RNLS: variants seen among roughly 807,000 people sequenced by gnomAD.
RNLS encodes the protein renalase.
RNLS carries 39 observed loss-of-function variants against 39.8 expected under a neutral mutation model. The observed-to-expected ratio is 0.98, with a 90% CI of 0.76 to 1.28. The LOEUF (loss-of-function observed/expected upper bound fraction) is 1.28. Ranked by LOEUF, RNLS falls within the 50% of genes most tolerant of loss-of-function variation. The pLI, the probability that RNLS is intolerant of heterozygous loss-of-function variation, is 0.00. For synonymous variants in RNLS, 147 were observed against 150.7 expected (o/e 0.98, Z 0.18); for missense variants, 410 against 413.3 (o/e 0.99, Z 0.07).
At chr10:88,303,780 C>T (rs1342140041) in intron 6 of RNLS, among the ~76,000 whole-genome samples, 1 of 152,202 alleles carries the variant, frequency 6.6e-6, no homozygotes, top group Non-Finnish European at 1.5e-5. Context: ...TTCCCCTTCC[C>T]CTTCACTCCC....
At chr10:88,558,302 C>T (rs1848981970) in intron 4 of RNLS, among the ~76,000 whole-genome samples, 1 of 152,150 alleles carries the variant, frequency 6.6e-6, no homozygotes, top group Non-Finnish European at 1.5e-5. Context: ...TAATTTCTCA[C>T]TTTCCTCCTC....
intron 6 of RNLS, among the ~76,000 whole-genome samples, chr10:88,313,674 C>A (rs1194229423): frequency 6.6e-6 from 1 of 152,160 alleles, no homozygotes; most frequent in Admixed American, 6.5e-5. Flanking sequence ...CTTGGATAAC[C>A]AATAGGGCTG....
chr10:88,237,273 T>A, the RNLS span, among the ~76,000 whole-genome samples: 1 of 143,830 alleles, frequency 7.0e-6, no homozygotes, highest in Admixed American at 6.9e-5. Flanking sequence ...CTTCTTCTTT[T>A]TCTTTCATCC....
intron 6 of RNLS, among the ~76,000 whole-genome samples, chr10:88,290,719 A>C (rs994001246): frequency 6.6e-6 from 1 of 152,040 alleles, no homozygotes; most frequent in Non-Finnish European, 1.5e-5. Flanking sequence ...TCTCCGAACC[A>C]CTCTTTAACT....
chr10:88,178,400 G>T, the RNLS span, among the ~76,000 whole-genome samples: 11 of 152,036 alleles, frequency 7.2e-5, no homozygotes, highest in Non-Finnish European at 1.3e-4. Flanking sequence ...AGCCACATTG[G>T]CTCCAGGTAG....
At chr10:88,495,294 T>C (rs2134082253) in intron 4 of RNLS, among the ~76,000 whole-genome samples, 1 of 152,284 alleles carries the variant, frequency 6.6e-6, no homozygotes, top group East Asian at 1.9e-4. Context: ...ACACAGATGT[T>C]GATATGACTT....
At chr10:88,570,635 A>C (rs2861367) in intron 4 of RNLS, among the ~76,000 whole-genome samples, 7 of 152,202 alleles carry the variant, frequency 4.6e-5, no homozygotes, top group Non-Finnish European at 1.0e-4. Context: ...CCTAGCCATG[A>C]GGTGGGAATA....
the RNLS span, among the ~76,000 whole-genome samples, chr10:88,253,793 C>T: frequency 5.3e-5 from 8 of 152,176 alleles, no homozygotes; most frequent in Non-Finnish European, 1.0e-4. Flanking sequence ...TTTCCTGCCC[C>T]CCTCCCTCCC....
At chr10:88,393,734 A>C (rs1038916805) in intron 4 of RNLS, among the ~76,000 whole-genome samples, 9 of 152,216 alleles carry the variant, frequency 5.9e-5, no homozygotes, top group African/African-American at 2.2e-4. Context: ...TGCATTGCCA[A>C]GTCAATCTTA....
chr10:88,201,415 C>G, the RNLS span, among the ~76,000 whole-genome samples: 1 of 152,152 alleles, frequency 6.6e-6, no homozygotes. Context: ...GCAGCTTCCA[C>G]TTTGTTCTGT....
At chr10:88,411,365 C>T (rs190710275) in intron 4 of RNLS, among the ~76,000 whole-genome samples, 26 of 152,078 alleles carry the variant, frequency 1.7e-4, no homozygotes, top group Non-Finnish European at 3.1e-4. Flanking sequence ...GTTTCCTCAG[C>T]GGACCACAGA....
the RNLS span, among the ~76,000 whole-genome samples, chr10:88,202,337 T>C: frequency 1.1e-4 from 17 of 150,182 alleles, no homozygotes; most frequent in Non-Finnish European, 1.8e-4. Context: ...TTAGGAGATA[T>C]ACCTAATGTT....
At chr10:88,429,392 G>T (rs933434958) in intron 4 of RNLS, among the ~76,000 whole-genome samples, 16 of 151,830 alleles carry the variant, frequency 1.1e-4, no homozygotes, top group African/African-American at 3.6e-4. Flanking sequence ...CAAACAAAAA[G>T]AATTCCTTTG....
intron 4 of RNLS, among the ~76,000 whole-genome samples, chr10:88,434,693 T>C (rs1855355725): frequency 1.3e-5 from 2 of 152,124 alleles, no homozygotes; most frequent in Non-Finnish European, 2.9e-5. Flanking sequence ...TCAGAATACA[T>C]ATTATTTGTG....
At chr10:88,533,190 C>T (rs541836748) in intron 4 of RNLS, among the ~76,000 whole-genome samples, 15 of 152,062 alleles carry the variant, frequency 9.9e-5, no homozygotes, top group African/African-American at 3.1e-4. Context: ...AGTTAGAGTG[C>T]CAGTCAATTC....
rs562753422 is a variant in RNLS at position 88,367,056 on chromosome 10, T to C, written c.527-4331A>G. 3.9e-5 allele frequency among the ~76,000 whole-genome samples: 6 copies of C among 151,988 alleles called. No homozygotes were observed. In the South Asian group the frequency reaches 1.2e-3, roughly 31 times the overall value. On this transcript the variant is annotated intron_variant, in intron 4 of 6. Coordinates refer to ENST00000331772, the MANE Select transcript of RNLS (RefSeq NM_001031709.3). ...ATTTCACATACATGCACACAATATA[T>C]GTACACATAAATATATAATATATAT...
At chr10:88,395,568 GA>G (rs910076209) in intron 4 of RNLS, among the ~76,000 whole-genome samples, 16 of 151,876 alleles carry the variant, frequency 1.1e-4, no homozygotes, top group African/African-American at 3.9e-4. Context: ...GGAGCAGAAG[GA>G]AAAAAGAATG....
In RNLS at chr10:88,569,266, T is replaced by C. The variant is rs1035544332; in HGVS notation, c.526+3637A>G. Among the ~76,000 whole-genome samples, 8 of 152,292 alleles carry C rather than the reference T, an allele frequency of 5.3e-5. No individual in the cohort carries two copies. In the East Asian group the frequency reaches 1.3e-3, roughly 26 times the overall value. On this transcript the variant is annotated intron_variant, in intron 4 of 6. Transcript: ENST00000331772. ...TGAAAAGGAACTGAAACAGATGTTT[T>C]AGATATTTAAGGTTTTAACAGGAAA... is the stretch of plus-strand genomic sequence containing the variant.
the RNLS span, among the ~76,000 whole-genome samples, chr10:88,174,401 C>T: frequency 6.6e-6 from 1 of 152,118 alleles, no homozygotes; most frequent in Admixed American, 6.5e-5. Context: ...GTGGGTTTGT[C>T]ATATATGGTC....
Sources: allele counts gnomAD v4.1 joint callset (sites outside exome capture counted in the v4.1 genomes callset), GRCh38; gene constraint gnomAD v4.1.1; transcripts MANE v1.5; gene names NCBI Gene and HGNC (gene_info 2026-07-23, HGNC 2026-07-21).